The following GSN variants were observed in gnomAD, a reference collection of about 807,000 sequenced individuals.
The protein encoded by GSN is gelsolin, also known as actin-depolymerizing factor.
GSN carries 56 observed loss-of-function variants against 85.7 expected under a neutral mutation model. That is an observed-to-expected ratio of 0.65 (90% CI 0.53 to 0.82). The LOEUF (loss-of-function observed/expected upper bound fraction) is 0.82. GSN is among the 40% of genes least tolerant of loss of function. The pLI is 0.00. For synonymous variants in GSN, 373 were observed against 399.1 expected, an observed-to-expected ratio of 0.93 and a Z score of 0.78; for missense variants, 857 against 979.8, an observed-to-expected ratio of 0.87 and a Z score of 1.67.
intron 4 of GSN, among the ~76,000 whole-genome samples, chr9:121,307,400 C>T (rs2060528628): frequency 6.6e-6 from 1 of 152,172 alleles, no homozygotes; most frequent in Non-Finnish European, 1.5e-5. Context: ...GTGAGTCCTT[C>T]TAGCACCTTT....
intron 1 of GSN, among the ~76,000 whole-genome samples, chr9:121,268,808 C>T (rs2055452589): frequency 6.6e-6 from 1 of 152,206 alleles, no homozygotes; most frequent in Non-Finnish European, 1.5e-5. Context: ...CACACGGAAG[C>T]TTCTTCTGGA....
At chr9:121,231,672 C>G (rs2054390190) in intron 5 of GSN, among the ~76,000 whole-genome samples, 1 of 152,050 alleles carries the variant, frequency 6.6e-6, no homozygotes, top group African/African-American at 2.4e-5. Flanking sequence ...CCACAGAGTC[C>G]TACAGTATGA....
intron 2 of GSN, chr9:121,297,965 G>GT (rs1159942774): frequency 2.0e-5 from 3 of 152,166 alleles, no homozygotes; most frequent in South Asian, 2.1e-4. Flanking sequence ...GAGCTGTGGG[G>GT]TTTTTTATAA....
At chr9:121,310,481 C>A in intron 4 of GSN, 1 of 623,422 alleles carries the variant, frequency 1.6e-6, no homozygotes. Flanking sequence ...TATTCCTTTC[C>A]TAAACCTCAG....
chr9:121,277,492 A>T (rs1465193926), intron 1 of GSN, among the ~76,000 whole-genome samples: 1 of 152,160 alleles, frequency 6.6e-6, no homozygotes, highest in Non-Finnish European at 1.5e-5. Flanking sequence ...TACTTATGAG[A>T]TAAGGGACTT....
In GSN at chr9:121,239,106, AC is replaced by A. The variant is rs1401315565; in HGVS notation, c.-389+7805del. 33 of 363,992 alleles carry A rather than the reference AC, an allele frequency of 9.1e-5. No homozygotes were observed. The Admixed American group carries it at 1.1e-3, about 12-fold the overall frequency. The allele number at this position is 363,992 out of a possible 1,614,324, so 22.5% of individuals were successfully genotyped here. A position where few individuals can be genotyped will look rare whatever the true frequency, so the allele number is the denominator to read the frequency against. On this transcript the variant is annotated intron_variant, in intron 5 of 24. Coordinates refer to the GSN transcript ENST00000373823. ...GAATTTGAGTAATTGAGCCATTTCT[AC>A]CTTCTCCTCGACCTGCATGTTCATA... is the stretch of plus-strand genomic sequence containing the variant.
intron 4 of GSN, among the ~76,000 whole-genome samples, chr9:121,216,859 A>C (rs2054073201): frequency 6.6e-6 from 1 of 152,216 alleles, no homozygotes; most frequent in South Asian, 2.1e-4. Context: ...CAAGTCCAAG[A>C]TCAAGATGTC....
intron 4 of GSN, among the ~76,000 whole-genome samples, chr9:121,216,933 G>A (rs2054074674): frequency 6.6e-6 from 1 of 152,206 alleles, no homozygotes; most frequent in Non-Finnish European, 1.5e-5. Context: ...TCTTCTTCCT[G>A]TGTCTTCACA....
At position 121,315,981 on chromosome 9, in the gene GSN, C is replaced by CT. The variant is rs2061666345; in HGVS notation, c.754-1103dup. On this transcript the variant is annotated intron_variant, in intron 7 of 17. Transcript: ENST00000432226. ...ATAATTATACAAGTTATAGAAATTG[C>CT]TTAGAACAGTGACTGGCACAGAGTA... 2.0e-5 allele frequency among the ~76,000 whole-genome samples: 3 copies of CT among 152,158 alleles called. No individual in the cohort carries two copies. The South Asian group carries it at 6.2e-4, about 32-fold the overall frequency.
chr9:121,239,336 G>C (rs966893585), intron 5 of GSN: 73 of 433,322 alleles, frequency 1.7e-4, no homozygotes, highest in Non-Finnish European at 3.0e-4. Flanking sequence ...CCAATAGTTG[G>C]GTCATTAGCC....
In GSN at chr9:121,299,778, T is replaced by C; in HGVS notation, c.-9-2185T>C. 8.2e-7 allele frequency: 1 copy of C among 1,220,828 alleles called. No individual in the cohort carries two copies. Among genetic ancestry groups the C allele is most frequent in the Non-Finnish European group, 1.0e-6 (1 of 973,372 alleles). 75.6% of individuals were successfully genotyped at this position (1,220,828 alleles called of 1,614,324 possible). A position where few individuals can be genotyped will look rare whatever the true frequency, so the allele number is the denominator to read the frequency against. ...CCCTCCCTGGGGGGCGGTCCCCGGC[T>C]TGGGCGGGATGGGCGGGCGGCTACT... On this transcript the variant is annotated intron_variant, in intron 2 of 17. Coordinates refer to ENST00000432226, the MANE Select transcript of GSN (RefSeq NM_198252.3). This position sits in a 1 kb window ranked among gnomAD's most constrained non-coding sequence, Gnocchi z 4.2.
In GSN at chr9:121,299,917, G is replaced by T. The variant is rs1306972736; in HGVS notation, c.-9-2046G>T. 7 of 1,263,126 alleles carry T rather than the reference G, an allele frequency of 5.5e-6. No individual in the cohort carries two copies. Among genetic ancestry groups the T allele is most frequent in the Non-Finnish European group, 6.0e-6 (6 of 1,001,702 alleles). The allele number at this position is 1,263,126 out of a possible 1,614,324, so 78.2% of individuals were successfully genotyped here. The stretch of plus-strand genomic sequence containing the variant: ...CTTTGCGCGCTGTCCCTGGCGCTGT[G>T]CGCGCTGTCGCTGCCCGTCCGCGCG... On this transcript the variant is annotated intron_variant, in intron 2 of 17. Transcript: ENST00000432226. This position sits in a 1 kb window ranked among gnomAD's most constrained non-coding sequence, Gnocchi z 4.2.
At chr9:121,212,507 G>A (rs2053986145) in intron 4 of GSN, among the ~76,000 whole-genome samples, 1 of 152,174 alleles carries the variant, frequency 6.6e-6, no homozygotes, top group African/African-American at 2.4e-5. Context: ...AGCCTTCAAG[G>A]TTGACTCTGG....
intron 2 of GSN, among the ~76,000 whole-genome samples, chr9:121,287,175 C>G (rs562230457): frequency 6.6e-6 from 1 of 152,224 alleles, no homozygotes; most frequent in East Asian, 1.9e-4. Context: ...GATTGTTTTT[C>G]CTAAGAAGTT....
chr9:121,252,871 C>T (rs192914249), intron 6 of GSN, among the ~76,000 whole-genome samples: 1 of 152,180 alleles, frequency 6.6e-6, no homozygotes, highest in East Asian at 1.9e-4. Context: ...CAGAATTTAC[C>T]CTGGAGGTGG....
intron 1 of GSN, chr9:121,279,968 G>T (rs1461306803): frequency 6.6e-6 from 1 of 152,248 alleles, no homozygotes; most frequent in Non-Finnish European, 1.5e-5. Flanking sequence ...GACCTCTCTG[G>T]TTTTGGGTAC....
At chr9:121,225,025 C>T (rs2054247636) in intron 4 of GSN, among the ~76,000 whole-genome samples, 1 of 151,920 alleles carries the variant, frequency 6.6e-6, no homozygotes, top group South Asian at 2.1e-4. Context: ...CCCTATGTTG[C>T]CTAGGCTATT....
At chr9:121,310,627 A>G (rs1233621609) in intron 4 of GSN, 57 bp from the exon 5 acceptor site, 14 of 1,564,048 alleles carry the variant, frequency 9.0e-6, no homozygotes, top group African/African-American at 1.4e-5. Flanking sequence ...CCCTTCTTCC[A>G]TATCTGCTTC....
chr9:121,253,786 C>A (rs1325139055), intron 6 of GSN, among the ~76,000 whole-genome samples: 1 of 152,174 alleles, frequency 6.6e-6, no homozygotes, highest in Non-Finnish European at 1.5e-5. Flanking sequence ...TCTCATCCTG[C>A]TCCTTGTTGC....
Sources: gnomAD v4.1 joint callset for allele counts (sites outside exome capture counted in the v4.1 genomes callset) on GRCh38, gnomAD v4.1.1 for gene constraint, Gnocchi (gnomAD v3.1) non-coding constraint, MANE v1.5 for transcripts, NCBI Gene and HGNC (gene_info 2026-07-23, HGNC 2026-07-21) for gene names.